APOB: variants seen among roughly 807,000 people sequenced by gnomAD.
APOB encodes apolipoprotein B, also known as apolipoprotein B-100.
A neutral mutation model predicts 314.1 loss-of-function variants in APOB; 153 were observed. That is an observed-to-expected ratio of 0.49 (90% CI 0.43 to 0.56). APOB has a LOEUF of 0.56. Ranked by LOEUF, APOB falls within the 20% of genes least tolerant of loss-of-function variation. The probability of loss-of-function intolerance (pLI) is 0.00; values close to 1 mark genes in which losing one functional copy is unlikely to be tolerated. For missense variants in APOB, 5,430 were observed against 5,350.7 expected (o/e 1.01, Z -0.46); for synonymous variants, 2,087 against 2,036.4 (o/e 1.02, Z -0.67).
rs1290144717 is a variant in APOB, at chr2:21,009,116, C to A, written c.7752G>T (p.Gly2584=). ...TGGTCTTGATTTCAGGAACAGTGAACCCTTGCTCTACCAATGCTTTCATAC... is the reference window on the plus strand; with the variant it reads ...TGGTCTTGATTTCAGGAACAGTGAAACCTTGCTCTACCAATGCTTTCATAC... The part of the protein sequence containing the change: ...AKRMKALVEQ[G]FTVPEIKTIL... The change falls in exon 26 of 29, where the codon GGG becomes GGT. Residue 2584 remains glycine, a synonymous_variant. Transcript: ENST00000233242. The A allele has an allele frequency of 6.2e-7, 1 of 1,614,038 alleles. No individual in the cohort carries two copies. The highest frequency in any genetic ancestry group is 1.7e-5 in the Admixed American group (1 of 60,004).
rs148655084 is a variant in APOB, at chr2:21,008,691, A to G, written c.8177T>C (p.Leu2726Pro). Reference protein sequence around the residue: ...IAIPEFIIPTLNLNDFQVPDL... With the variant: ...IAIPEFIIPTPNLNDFQVPDL... ...AGGAACTTGAAAATCATTAAGGTTG[A>G]GAGTTGGGATTATGAATTCTGGAAT... The change falls in exon 26 of 29, where the codon CTC becomes CCC. Residue 2726 changes from leucine (L) to proline (P), a missense_variant. Coordinates refer to ENST00000233242, the MANE Select transcript of APOB (RefSeq NM_000384.3). The G allele has an allele frequency of 1.2e-6, 2 of 1,613,942 alleles. No individual in the cohort carries two copies. The highest frequency in any genetic ancestry group is 2.7e-5 in the African/African-American group (2 of 74,888).
chr2:21,035,784 A>G, intron 6 of APOB, 76 bp from the exon 7 acceptor site: 1 of 1,475,746 alleles, frequency 6.8e-7, no homozygotes. Flanking sequence ...TTCAAGGTAG[A>G]AGGGAGCAGG....
At position 21,041,089 on chromosome 2, in the gene APOB, A is replaced by G. The variant is rs200048290; in HGVS notation, c.238-6T>C. 235 of 1,610,722 alleles carry G rather than the reference A, an allele frequency of 1.5e-4. 4 individuals carry two copies. The South Asian group carries it at 2.5e-3, about 17-fold the overall frequency. On this transcript the variant is annotated splice_polypyrimidine_tract_variant and splice_region_variant and intron_variant, in intron 3 of 28. Transcript: ENST00000233242. ...TGGGGAACCTCCAGCTCAACCTGAGAATTCAGGGTAGCAGAGCATTGAGGT... is the reference window on the plus strand; with the variant it reads ...TGGGGAACCTCCAGCTCAACCTGAGGATTCAGGGTAGCAGAGCATTGAGGT...
In APOB at chr2:21,013,278, C is replaced by T. The variant is rs906425548; in HGVS notation, c.4098G>A (p.Leu1366=). The change falls in exon 25 of 29, where the codon TTG becomes TTA. Residue 1366 remains leucine, a synonymous_variant. Transcript: ENST00000233242. ...LDLSTNVYSN[L]YNWSASYSGG... is the part of the protein sequence containing the mutation. ...CACTGTAGGAGGCGGACCAGTTGTACAAGTTGCTGTAGACATTCGTGGAGA... is the reference window on the plus strand; with the variant it reads ...CACTGTAGGAGGCGGACCAGTTGTATAAGTTGCTGTAGACATTCGTGGAGA... The T allele has an allele frequency of 6.2e-7, 1 of 1,614,194 alleles. No homozygotes were observed. The highest frequency in any genetic ancestry group is 8.5e-7 in the Non-Finnish European group (1 of 1,180,044).
At chr2:21,022,732 G>T in intron 18 of APOB, 99 bp downstream of exon 18, 2 of 1,114,672 alleles carry the variant, frequency 1.8e-6, no homozygotes, top group Non-Finnish European at 2.7e-6. Context: ...CTCAGGACCT[G>T]AATGATCTCA....
Position 21,032,540 on chromosome 2 carries a change from T to G in APOB, c.1166A>C (p.Gln389Pro), listed in dbSNP as rs1135402763. 1 of 1,614,032 alleles carries G rather than the reference T, an allele frequency of 6.2e-7. No individual in the cohort carries two copies. The highest frequency in any genetic ancestry group is 8.5e-7 in the Non-Finnish European group (1 of 1,180,024). Residue 389 changes from glutamine (Q) to proline (P), a missense_variant, in exon 10 of 29, where the codon CAG becomes CCG. By Grantham distance (76) the Gln-to-Pro change is moderately conservative (BLOSUM62 -1). Coordinates refer to ENST00000233242, the MANE Select transcript of APOB (RefSeq NM_000384.3). ...CCACTGGAGGATGTGAGTGGAGCAC[T>G]GAGGCTGTCCACACTGAACCAAGGC... is the stretch of plus-strand genomic sequence containing the variant. Reference protein sequence around the residue: ...LQALVQCGQPQCSTHILQWLK... With the variant: ...LQALVQCGQPPCSTHILQWLK...
rs935792706 is a variant in APOB, at chr2:21,002,363, G to A, written c.13059C>T (p.Cys4353=). Reference sequence around the variant, plus strand: ...ATTCATTGAACTTATGAAGATTAAGGCATAGGTTTTCTTTCAACAATTTAA... The same window carrying A: ...ATTCATTGAACTTATGAAGATTAAGACATAGGTTTTCTTTCAACAATTTAA... ...YVFKLLKENL[C]LNLHKFNEFI... is the part of the protein sequence containing the mutation. Residue 4353 remains cysteine, a synonymous_variant, in exon 29 of 29, where the codon TGC becomes TGT. Coordinates refer to ENST00000233242, the MANE Select transcript of APOB (RefSeq NM_000384.3). The A allele has an allele frequency of 1.2e-6, 2 of 1,606,302 alleles. No homozygotes were observed. Among genetic ancestry groups the A allele is most frequent in the Non-Finnish European group, 1.7e-6 (2 of 1,177,006 alleles).
chr2:21,016,311 C>G, intron 21 of APOB, 128 bp downstream of exon 21: 1 of 635,878 alleles, frequency 1.6e-6, no homozygotes, highest in South Asian at 1.8e-5. Flanking sequence ...TTGTTGAGGG[C>G]TCTCTCTGCC....
intron 14 of APOB, 83 bp from the exon 15 acceptor site, chr2:21,027,047 T>C: frequency 1.6e-6 from 2 of 1,274,782 alleles, no homozygotes; most frequent in African/African-American, 1.5e-5. Flanking sequence ...TTGATGTCCA[T>C]TTATCTAAAC....
At chr2:21,029,407 A>G (rs1663821511) in intron 12 of APOB, among the ~76,000 whole-genome samples, 5 of 152,058 alleles carry the variant, frequency 3.3e-5, no homozygotes, top group Admixed American at 3.3e-4. Flanking sequence ...AGCCGAGATC[A>G]TGCCACTGCA....
Position 21,013,513 on chromosome 2 carries a change from G to T in APOB, c.3863C>A (p.Thr1288Asn), listed in dbSNP as rs745401772. Residue 1288 changes from threonine to asparagine, a missense_variant, in exon 25 of 29, where the codon ACC (threonine) becomes AAC (asparagine). By Grantham distance (65) the Thr-to-Asn change is moderately conservative. Around this residue, in one of 3 missense-constraint regions of APOB, gnomAD observed 2,085 missense variants for 2,079.7 expected, o/e 1.00. Coordinates refer to ENST00000233242, the MANE Select transcript of APOB (RefSeq NM_000384.3). ...FLKSDGRVKY[T>N]LNKNSLKIEI... ...AATTTTCAAACTGTTCTTGTTCAAG[G>T]TATATTTGACCCGGCCATCGCTGAA... The T allele has an allele frequency of 1.2e-6, 2 of 1,614,172 alleles. No homozygotes were observed. The highest frequency in any genetic ancestry group is 2.2e-5 in the South Asian group (2 of 91,080).
Position 21,011,699 on chromosome 2 carries a change from G to A in APOB, c.5169C>T (p.Ser1723=). 6.2e-7 allele frequency: 1 copy of A among 1,614,148 alleles called. No homozygotes were observed. The highest frequency in any genetic ancestry group is 8.5e-7 in the Non-Finnish European group (1 of 1,180,024). ...TGACCTTGAAGTTGAAAATGTTTTT[G>A]CTGTCGACACCCAGAATCATGGCCT... The part of the protein sequence containing the change: ...AYQAMILGVD[S]KNIFNFKVSQ... Residue 1723 remains serine, a synonymous_variant, in exon 26 of 29, where the codon AGC becomes AGT. Transcript: ENST00000233242.
intron 21 of APOB, among the ~76,000 whole-genome samples, 194 bp from the exon 22 acceptor site, chr2:21,015,739 G>A (rs972246821): frequency 5.3e-5 from 8 of 152,278 alleles, no homozygotes; most frequent in African/African-American, 1.7e-4. Context: ...ACAGGTTTAG[G>A]AGAAAGAGAA....
intron 2 of APOB, among the ~76,000 whole-genome samples, chr2:21,043,237 A>T (rs1664175730): frequency 6.6e-6 from 1 of 152,068 alleles, no homozygotes; most frequent in Non-Finnish European, 1.5e-5. Flanking sequence ...CAGGACAGTG[A>T]TGTTTCTTCA....
Position 21,007,064 on chromosome 2 carries a change from C to T in APOB, c.9804G>A (p.Ser3268=), listed in dbSNP as rs144106662. 107 of 1,613,932 alleles carry T rather than the reference C, an allele frequency of 6.6e-5. No individual in the cohort carries two copies. Among genetic ancestry groups the T allele is most frequent in the South Asian group, 1.1e-4 (10 of 91,072 alleles). The change falls in exon 26 of 29, where the codon TCG becomes TCA. Residue 3268 remains serine (S), a synonymous_variant. Transcript: ENST00000233242. ...VEVSPFTIEM[S]AFGYVFPKAV... ...CTTTTGGGAACACATAGCCGAATGCCGACATCTCTATGGTGAATGGAGACA... is the reference window on the plus strand; with the variant it reads ...CTTTTGGGAACACATAGCCGAATGCTGACATCTCTATGGTGAATGGAGACA...
chr2:21,026,010 A>C (rs1663723607), intron 15 of APOB, among the ~76,000 whole-genome samples: 1 of 152,194 alleles, frequency 6.6e-6, no homozygotes, highest in African/African-American at 2.4e-5. Context: ...AATAATGAAA[A>C]TATTAATTTA....
Position 21,003,218 on chromosome 2 carries a change from G to A in APOB, c.12204C>T (p.Thr4068=), listed in dbSNP as rs1334692806. Residue 4068 remains threonine, a synonymous_variant, in exon 29 of 29, where the codon ACC becomes ACT. Coordinates refer to ENST00000233242, the MANE Select transcript of APOB (RefSeq NM_000384.3). ...CCTTGGGCACGTTGTCTTTCAGAGA[G>A]GTTAGCAAGCCAGAAGCTGCCTCTT... ...WEEEAASGLL[T]SLKDNVPKAT... The A allele has an allele frequency of 1.2e-6, 2 of 1,613,904 alleles. No individual in the cohort carries two copies. The highest frequency in any genetic ancestry group is 1.7e-6 in the Non-Finnish European group (2 of 1,179,962).
intron 4 of APOB, among the ~76,000 whole-genome samples, chr2:21,039,612 A>G (rs893208538): frequency 6.6e-6 from 1 of 152,264 alleles, no homozygotes; most frequent in African/African-American, 2.4e-5. Flanking sequence ...TCTGATCACC[A>G]TACATTACAT....
Position 21,014,468 on chromosome 2 carries a change from T to C in APOB, c.3822A>G (p.Pro1274=), listed in dbSNP as rs769755106. 4 of 1,614,190 alleles carry C rather than the reference T, an allele frequency of 2.5e-6. No homozygotes were observed. In the East Asian group the frequency reaches 8.9e-5, roughly 36 times the overall value. ...QNMGLPDFHI[P]ENLFLKSDGR... is the part of the protein sequence containing the mutation. ...TTTACCTTTTTAAGAAGAGGTTTTCTGGGATGTGGAAGTCTGGCAATCCCA... is the reference window on the plus strand; with the variant it reads ...TTTACCTTTTTAAGAAGAGGTTTTCCGGGATGTGGAAGTCTGGCAATCCCA... Residue 1274 remains proline (P), a synonymous_variant, in exon 24 of 29, where the codon CCA becomes CCG. Transcript: ENST00000233242.
Sources: gnomAD v4.1 joint callset for allele counts (sites outside exome capture counted in the v4.1 genomes callset) on GRCh38, gnomAD v4.1.1 for gene constraint, gnomAD v4.1.1 regional missense constraint, MANE v1.5 for transcripts, NCBI Gene and HGNC (gene_info 2026-07-23, HGNC 2026-07-21) for gene names.